Variants in BNC2 observed in about 807,000 individuals in gnomAD.
BNC2 encodes basonuclin zinc finger protein 2.
BNC2 carries 20 observed loss-of-function variants against 76.3 expected under a neutral mutation model. The ratio of observed to expected loss-of-function variants is 0.26; its 90% CI spans 0.18 to 0.38. The LOEUF (loss-of-function observed/expected upper bound fraction) is 0.38. Among genes scored for constraint, BNC2 ranks in the 10% least tolerant of loss-of-function variants. The probability of loss-of-function intolerance (pLI) is 1.00; values close to 1 mark genes in which losing one functional copy is unlikely to be tolerated. For missense variants in BNC2, 1,382 were observed against 1,399.8 expected, an observed-to-expected ratio of 0.99 and a Z score of 0.20; for synonymous variants, 582 against 514.8, an observed-to-expected ratio of 1.13 and a Z score of -1.77.
chr9:16,798,693 A>T (rs1035607549), intron 1 of BNC2, among the ~76,000 whole-genome samples: 1 of 152,138 alleles, frequency 6.6e-6, no homozygotes, highest in Non-Finnish European at 1.5e-5. Context: ...TTCTCCACTA[A>T]ACTACGTAGA....
intron 1 of BNC2, among the ~76,000 whole-genome samples, chr9:16,836,593 T>C (rs1818712954): frequency 6.6e-6 from 1 of 151,906 alleles, no homozygotes; most frequent in African/African-American, 2.4e-5. Flanking sequence ...TTAAGTTTGA[T>C]CCTACTCAAC....
rs756611837 is a variant in BNC2 at position 16,419,017 on chromosome 9, T to C, written c.3272A>G (p.Lys1091Arg). The C allele has an allele frequency of 1.9e-6, 3 of 1,614,002 alleles. No individual in the cohort carries two copies. The highest frequency in any genetic ancestry group is 1.7e-6 in the Non-Finnish European group (2 of 1,180,028). ...ATCTACTGAAGTGAAGGGAATGTTT[T>C]TGTGGAGATTAGGGTTCTGACTGTG... Reference protein sequence around the residue: ...NRHSQNPNLHKNIPFTSVD With the variant: ...NRHSQNPNLHRNIPFTSVD The change falls in exon 7 of 7, where the codon AAA becomes AGA. Residue 1091 changes from lysine (K) to arginine (R), a missense_variant. By Grantham distance (26) the Lys-to-Arg change is conservative. Transcript: ENST00000380672.
At chr9:16,527,413 G>A (rs778821258) in intron 5 of BNC2, among the ~76,000 whole-genome samples, 1 of 152,104 alleles carries the variant, frequency 6.6e-6, no homozygotes, top group Non-Finnish European at 1.5e-5. Flanking sequence ...ACTGTTTTGC[G>A]GTCTAAATGG....
At chr9:16,674,130 C>T (rs1258702241) in intron 3 of BNC2, among the ~76,000 whole-genome samples, 2 of 152,234 alleles carry the variant, frequency 1.3e-5, no homozygotes, top group African/African-American at 4.8e-5. Context: ...ATTTCATATC[C>T]TCATCTTTGT....
intron 3 of BNC2, among the ~76,000 whole-genome samples, chr9:16,679,228 C>A (rs1428457607): frequency 6.6e-6 from 1 of 152,156 alleles, no homozygotes; most frequent in Non-Finnish European, 1.5e-5. Context: ...ACCTACACAT[C>A]CTCTCTACCT....
At chr9:16,854,176 A>C (rs1254426071) in intron 1 of BNC2, among the ~76,000 whole-genome samples, 1 of 152,166 alleles carries the variant, frequency 6.6e-6, no homozygotes, top group Non-Finnish European at 1.5e-5. Context: ...AAGTGTTTTA[A>C]AAGGAAGGAA....
chr9:16,643,659 ATTAT>A (rs1821550419), intron 3 of BNC2, among the ~76,000 whole-genome samples: 1 of 152,032 alleles, frequency 6.6e-6, no homozygotes, highest in Non-Finnish European at 1.5e-5. Flanking sequence ...ATATGGAGAA[ATTAT>A]ATTCTAAGCA....
chr9:16,717,774 G>A (rs1450698056), intron 3 of BNC2, among the ~76,000 whole-genome samples: 2 of 152,078 alleles, frequency 1.3e-5, no homozygotes, highest in Non-Finnish European at 2.9e-5. Context: ...CTCAAAGTAG[G>A]CTTATATTGA....
chr9:16,446,356 G>T (rs146111971), intron 5 of BNC2, among the ~76,000 whole-genome samples: 16 of 152,196 alleles, frequency 1.1e-4, no homozygotes. Flanking sequence ...AGTTTGAGGA[G>T]CATGGCCCTT....
intron 1 of BNC2, among the ~76,000 whole-genome samples, chr9:16,792,079 G>C (rs1307681694): frequency 6.9e-6 from 1 of 145,954 alleles, no homozygotes. Context: ...TCCAGCCTGG[G>C]TGATAGAACA....
At chr9:16,724,278 T>A (rs1361076) in intron 3 of BNC2, among the ~76,000 whole-genome samples, 2 of 151,858 alleles carry the variant, frequency 1.3e-5, no homozygotes, top group Non-Finnish European at 2.9e-5. Context: ...TATTTACTAT[T>A]CTCTCAAATG....
chr9:16,801,731 T>TAAA (rs146510714), intron 1 of BNC2, among the ~76,000 whole-genome samples: 19 of 55,354 alleles, frequency 3.4e-4, no homozygotes, highest in Admixed American at 2.0e-3. Flanking sequence ...CCCCTTAAAT[T>TAAA]AAAAAAAAAA....
At chr9:16,645,646 A>G (rs1050503142) in intron 3 of BNC2, among the ~76,000 whole-genome samples, 1 of 152,208 alleles carries the variant, frequency 6.6e-6, no homozygotes, top group African/African-American at 2.4e-5. Flanking sequence ...ACCATGGGTA[A>G]GTTATTTAGG....
chr9:16,589,298 A>T (rs943067314), intron 3 of BNC2, among the ~76,000 whole-genome samples: 1 of 151,546 alleles, frequency 6.6e-6, no homozygotes, highest in African/African-American at 2.4e-5. Context: ...CAATCCTCCC[A>T]CCTCAGCCTC....
chr9:16,516,423 AAC>A (rs1006828645), intron 5 of BNC2, among the ~76,000 whole-genome samples: 2 of 152,150 alleles, frequency 1.3e-5, no homozygotes, highest in African/African-American at 2.4e-5. Flanking sequence ...TACAGTGGAT[AAC>A]AGTTATGCAG....
intron 5 of BNC2, among the ~76,000 whole-genome samples, chr9:16,456,761 C>T (rs7864652): frequency 0.14 from 21,091 of 151,914 alleles, 2,227 homozygotes; most frequent in African/African-American, 0.3. Context: ...AATTATCTGT[C>T]GGTAGGGTAG....
intron 1 of BNC2, among the ~76,000 whole-genome samples, chr9:16,870,445 G>C (rs745911391): frequency 6.6e-6 from 1 of 151,980 alleles, no homozygotes; most frequent in East Asian, 2.0e-4. Context: ...CCAAGTTTAG[G>C]GGAGGCCACT....
intron 3 of BNC2, among the ~76,000 whole-genome samples, chr9:16,705,769 T>C (rs1823650869): frequency 6.6e-6 from 1 of 152,210 alleles, no homozygotes; most frequent in South Asian, 2.1e-4. Flanking sequence ...GGACTACTTA[T>C]CAAAGGTGCC....
At chr9:16,589,609 A>T (rs1249406982) in intron 3 of BNC2, among the ~76,000 whole-genome samples, 1 of 152,048 alleles carries the variant, frequency 6.6e-6, no homozygotes, top group Non-Finnish European at 1.5e-5. Context: ...CCAGGGTTCA[A>T]GTGATTCTCC....
Sources: gnomAD v4.1 joint callset for allele counts (sites outside exome capture counted in the v4.1 genomes callset) on GRCh38, gnomAD v4.1.1 for gene constraint, MANE v1.5 for transcripts, NCBI Gene and HGNC (gene_info 2026-07-23, HGNC 2026-07-21) for gene names.